The following RIMS1 variants were observed in gnomAD, a reference collection of about 807,000 sequenced individuals.
The protein encoded by RIMS1 is regulating synaptic membrane exocytosis protein 1.
A neutral mutation model predicts 214.1 loss-of-function variants in RIMS1; 83 were observed. The ratio of observed to expected loss-of-function variants is 0.39; its 90% CI spans 0.32 to 0.47. The LOEUF is 0.47. RIMS1 is among the 20% of genes least tolerant of loss of function. RIMS1 has a pLI of 0.99. For missense variants in RIMS1, 2,050 were observed against 2,161.8 expected (o/e 0.95, Z 1.03); for synonymous variants, 793 against 786.8 (o/e 1.01, Z -0.13).
chr6:72,247,764 A>G (rs2154128399), intron 11 of RIMS1, among the ~76,000 whole-genome samples: 1 of 152,276 alleles, frequency 6.6e-6, no homozygotes, highest in South Asian at 2.1e-4. Context: ...AAGTCATGCA[A>G]GAGCCTGTGC....
intron 4 of RIMS1, among the ~76,000 whole-genome samples, chr6:72,128,536 G>A (rs1311937081): frequency 2.6e-5 from 4 of 152,156 alleles, no homozygotes; most frequent in African/African-American, 9.7e-5. Flanking sequence ...CTAACCACGA[G>A]TGAGTCTCTG....
intron 29 of RIMS1, among the ~76,000 whole-genome samples, chr6:72,383,268 T>A (rs2098524584): frequency 6.6e-6 from 1 of 152,168 alleles, no homozygotes; most frequent in Non-Finnish European, 1.5e-5. Flanking sequence ...GACTTTTACT[T>A]GTCTATGTCT....
chr6:71,968,965 G>A lies in RIMS1; in HGVS notation c.165-18G>A. On this transcript the variant is annotated intron_variant, in intron 1 of 33. Transcript: ENST00000521978. ...TTTATAATTAATAGTGCGTTGTGCTGTCTATCATGCGCCCCAGGTGTGTTG... is the reference window on the plus strand; with the variant it reads ...TTTATAATTAATAGTGCGTTGTGCTATCTATCATGCGCCCCAGGTGTGTTG... The A allele has an allele frequency of 6.2e-7, 1 of 1,610,378 alleles. No homozygotes were observed. Among genetic ancestry groups the A allele is most frequent in the Non-Finnish European group, 8.5e-7 (1 of 1,176,576 alleles).
intron 4 of RIMS1, among the ~76,000 whole-genome samples, chr6:72,150,363 AT>A (rs952016589): frequency 6.6e-5 from 10 of 152,136 alleles, no homozygotes; most frequent in African/African-American, 2.4e-4. Context: ...TTTGACTTGT[AT>A]TTTGGCTTTC....
At chr6:72,306,393 A>G (rs903138975) in intron 26 of RIMS1, among the ~76,000 whole-genome samples, 2 of 152,096 alleles carry the variant, frequency 1.3e-5, no homozygotes, top group East Asian at 3.9e-4. Flanking sequence ...TGAGTCGTTT[A>G]CCCTACACAT....
At chr6:72,381,468 C>T (rs985470910) in intron 29 of RIMS1, among the ~76,000 whole-genome samples, 11 of 152,202 alleles carry the variant, frequency 7.2e-5, no homozygotes, top group Admixed American at 3.3e-4. Flanking sequence ...GTGAGAAGTT[C>T]AGCATTTGGA....
chr6:72,338,262 G>A (rs1359444095), intron 29 of RIMS1, among the ~76,000 whole-genome samples: 2 of 151,796 alleles, frequency 1.3e-5, no homozygotes, highest in Non-Finnish European at 2.9e-5. Context: ...GTTGTTTCCT[G>A]ACTTTTTAAT....
At chr6:72,012,889 A>T (rs953632065) in intron 2 of RIMS1, among the ~76,000 whole-genome samples, 3 of 152,174 alleles carry the variant, frequency 2.0e-5, no homozygotes, top group Non-Finnish European at 4.4e-5. Flanking sequence ...TTGTATGTTG[A>T]GACCATTCAT....
At chr6:71,976,755 A>T (rs568858028) in intron 2 of RIMS1, among the ~76,000 whole-genome samples, 2 of 152,062 alleles carry the variant, frequency 1.3e-5, no homozygotes, top group East Asian at 3.9e-4. Flanking sequence ...ATTCATTTTG[A>T]GATAGTTTTT....
intron 19 of RIMS1, chr6:72,262,859 A>G (rs4510634): frequency 0.57 from 345,107 of 607,474 alleles, 100,025 homozygotes; most frequent in East Asian, 0.98. Context: ...AGGATTTACT[A>G]GTCTCTAGTA....
chr6:72,009,572 C>T (rs866720164), intron 2 of RIMS1, among the ~76,000 whole-genome samples: 12 of 151,804 alleles, frequency 7.9e-5, no homozygotes, highest in Non-Finnish European at 1.6e-4. Flanking sequence ...ATTGATAGAC[C>T]GCTAGCAAGA....
intron 2 of RIMS1, among the ~76,000 whole-genome samples, chr6:72,019,286 C>CTAT (rs1554191217): frequency 1.3e-5 from 2 of 151,640 alleles, no homozygotes; most frequent in Non-Finnish European, 2.9e-5. Context: ...AGGCATTAAA[C>CTAT]TGTTATATCT....
At chr6:71,945,208 G>A (rs910687978) in intron 1 of RIMS1, among the ~76,000 whole-genome samples, 3 of 152,158 alleles carry the variant, frequency 2.0e-5, no homozygotes, top group African/African-American at 7.2e-5. Context: ...GCAGAGGACT[G>A]TGCCTCCCCA....
chr6:72,291,528 C>A lies in RIMS1; in HGVS notation c.3738-406C>A, dbSNP rs148060807. 6.4e-4 allele frequency among the ~76,000 whole-genome samples: 98 copies of A among 152,242 alleles called. 2 individuals carry two copies. The East Asian group carries it at 0.011, about 17-fold the overall frequency. On this transcript the variant is annotated intron_variant, in intron 25 of 33. Coordinates refer to ENST00000521978, the MANE Select transcript of RIMS1 (RefSeq NM_014989.7). ...TTATAAATAATTCTATAGTCAATAT[C>A]AATTTAAGAGTAGCAGTTTAGGCAA... is the stretch of plus-strand genomic sequence containing the variant.
Position 72,234,191 on chromosome 6 carries a change from T to C in RIMS1, c.1746+351T>C, listed in dbSNP as rs990907888. Among the ~76,000 whole-genome samples the C allele has an allele frequency of 3.9e-5, 6 of 151,948 alleles. No homozygotes were observed. In the East Asian group the frequency reaches 5.8e-4, roughly 15 times the overall value. Reference sequence around the variant, plus strand: ...GAACTATTTAAAAATGTATACTTATTTGCCAACCACTTTAAGAAACTTTTA... The same window carrying C: ...GAACTATTTAAAAATGTATACTTATCTGCCAACCACTTTAAGAAACTTTTA... On this transcript the variant is annotated intron_variant, in intron 7 of 33. Coordinates refer to ENST00000521978, the MANE Select transcript of RIMS1 (RefSeq NM_014989.7).
intron 4 of RIMS1, among the ~76,000 whole-genome samples, chr6:72,146,104 T>C (rs552695647): frequency 3.2e-4 from 48 of 152,360 alleles, no homozygotes; most frequent in Non-Finnish European, 3.2e-4. Flanking sequence ...TTTATTAGTT[T>C]AGTTCATTCA....
At chr6:72,278,157 A>G (rs1031356320) in intron 23 of RIMS1, among the ~76,000 whole-genome samples, 12 of 99,400 alleles carry the variant, frequency 1.2e-4, no homozygotes, top group Admixed American at 8.2e-4. Flanking sequence ...TTTTTAATCT[A>G]TCTATCTATC....
intron 2 of RIMS1, among the ~76,000 whole-genome samples, chr6:72,012,369 T>C (rs1811042697): frequency 6.6e-6 from 1 of 152,100 alleles, no homozygotes; most frequent in Admixed American, 6.5e-5. Context: ...TTAGGAGATA[T>C]ACCTAATGTA....
chr6:72,003,521 TC>T (rs1029256270), intron 2 of RIMS1, among the ~76,000 whole-genome samples: 47 of 152,174 alleles, frequency 3.1e-4, no homozygotes, highest in African/African-American at 1.1e-3. Flanking sequence ...TTCAGCTTAC[TC>T]AAGTTAACAG....
Sources: gnomAD v4.1 joint callset for allele counts (sites outside exome capture counted in the v4.1 genomes callset) on GRCh38, gnomAD v4.1.1 for gene constraint, MANE v1.5 for transcripts, NCBI Gene and HGNC (gene_info 2026-07-23, HGNC 2026-07-21) for gene names.